Variants in SLC30A10 observed in about 807,000 individuals in gnomAD.
The protein encoded by SLC30A10 is calcium/manganese antiporter SLC30A10.
In SLC30A10, 8 loss-of-function variants were observed where a neutral mutation model predicts 21.7. That is an observed-to-expected ratio of 0.37 (90% CI 0.22 to 0.67). The LOEUF is 0.67. Ranked by LOEUF, SLC30A10 falls within the 30% of genes least tolerant of loss-of-function variation. SLC30A10 has a pLI of 0.58. For missense variants in SLC30A10, 521 were observed against 642.5 expected, an observed-to-expected ratio of 0.81 and a Z score of 2.04; for synonymous variants, 272 against 279.4, an observed-to-expected ratio of 0.97 and a Z score of 0.26.
upstream of SLC30A10, chr1:219,928,650 G>T: frequency 2.0e-6 from 1 of 498,100 alleles, no homozygotes; most frequent in East Asian, 3.6e-5. This position sits in a 1 kb window ranked among gnomAD's most constrained non-coding sequence, Gnocchi z 6.3. Context: ...GGCGGGGGCA[G>T]TATCTGAACA....
At chr1:219,922,028 A>G (rs1175669920) in intron 2 of SLC30A10, among the ~76,000 whole-genome samples, 1 of 151,136 alleles carries the variant, frequency 6.6e-6, no homozygotes, top group East Asian at 1.9e-4. Flanking sequence ...ATCATAGCTC[A>G]CTCCAACTTC....
upstream of SLC30A10, among the ~76,000 whole-genome samples, chr1:219,931,851 A>C (rs1182598107): frequency 6.6e-6 from 1 of 152,084 alleles, no homozygotes; most frequent in Admixed American, 6.6e-5. Flanking sequence ...ACTCTGCCCA[A>C]CCCTGTGCTG....
intron 2 of SLC30A10, among the ~76,000 whole-genome samples, chr1:219,922,980 A>G (rs1659732580): frequency 6.6e-6 from 1 of 152,206 alleles, no homozygotes; most frequent in African/African-American, 2.4e-5. Flanking sequence ...TTCTCACCTC[A>G]CTACAGATGT....
intron 1 of SLC30A10, among the ~76,000 whole-genome samples, chr1:219,938,066 T>C (rs187751029): frequency 2.6e-4 from 39 of 152,334 alleles, no homozygotes; most frequent in African/African-American, 8.2e-4. Context: ...TGCTGGTTCC[T>C]TTTTTAACTT....
intron 1 of SLC30A10, among the ~76,000 whole-genome samples, chr1:219,943,291 G>A (rs1225505417): frequency 6.6e-6 from 1 of 152,122 alleles, no homozygotes; most frequent in Non-Finnish European, 1.5e-5. Flanking sequence ...CTCAATAGAA[G>A]GTGCCCCTGC....
In SLC30A10 at chr1:219,915,550, C is replaced by T. The variant is rs751289770; in HGVS notation, c.1357G>A (p.Val453Met). Residue 453 changes from valine (V) to methionine (M), a missense_variant, in exon 4 of 4, where the codon GTG becomes ATG. Coordinates refer to ENST00000366926, the MANE Select transcript of SLC30A10 (RefSeq NM_018713.3). ...CTATCCAAAGACACTTCAATAGCCA[C>T]TTCTCTTGCGTCTCTTCTACTGAGG... Reference protein sequence around the residue: ...DGLSRRDAREVAIEVSLDSCL... With the variant: ...DGLSRRDAREMAIEVSLDSCL... 3 of 1,614,262 alleles carry T rather than the reference C, an allele frequency of 1.9e-6. No individual in the cohort carries two copies. The highest frequency in any genetic ancestry group is 1.3e-5 in the African/African-American group (1 of 75,072).
chr1:219,927,687 A>AAAAAAC (rs1659873284), intron 1 of SLC30A10, 114 bp downstream of exon 1: 5 of 634,474 alleles, frequency 7.9e-6, no homozygotes, highest in South Asian at 8.0e-5. Context: ...ACAAAAAAAA[A>AAAAAAC]AAAACAGAAA....
intron 2 of SLC30A10, among the ~76,000 whole-genome samples, chr1:219,920,886 T>C (rs1339725307): frequency 6.6e-6 from 1 of 152,214 alleles, no homozygotes; most frequent in Admixed American, 6.5e-5. Flanking sequence ...TAAAATGTTG[T>C]AAATGGCAAA....
chr1:219,935,101 G>GA (rs149222887), intron 1 of SLC30A10, among the ~76,000 whole-genome samples: 9,108 of 152,172 alleles, frequency 0.06, 907 homozygotes, highest in African/African-American at 0.21. Flanking sequence ...CAGTGAGGGG[G>GA]AAAAATCAGC....
At chr1:219,944,998 AAAC>A (rs1558260020) in intron 1 of SLC30A10, among the ~76,000 whole-genome samples, 2 of 152,224 alleles carry the variant, frequency 1.3e-5, no homozygotes, top group Admixed American at 6.5e-5. Flanking sequence ...CAGCAATAAA[AAAC>A]AACAACTGAT....
At chr1:219,938,807 G>A (rs1310517618) in intron 1 of SLC30A10, among the ~76,000 whole-genome samples, 2 of 152,180 alleles carry the variant, frequency 1.3e-5, no homozygotes, top group African/African-American at 4.8e-5. Context: ...AGTATCTACA[G>A]GCCAAAGTAA....
chr1:219,919,137 C>T (rs950813239), intron 2 of SLC30A10: 1 of 152,074 alleles, frequency 6.6e-6, no homozygotes, highest in Admixed American at 6.6e-5. Flanking sequence ...TTGTGGGTGC[C>T]TTTAATTAAG....
At chr1:219,943,549 A>G (rs1490995730) in intron 1 of SLC30A10, among the ~76,000 whole-genome samples, 1 of 152,228 alleles carries the variant, frequency 6.6e-6, no homozygotes, top group Non-Finnish European at 1.5e-5. Context: ...CCAGGATTCA[A>G]CAGAAAATCT....
chr1:219,918,667 C>A lies in SLC30A10; in HGVS notation c.719-173G>T. 2 of 705,718 alleles carry A rather than the reference C, an allele frequency of 2.8e-6. No homozygotes were observed. The highest frequency in any genetic ancestry group is 3.5e-5 in the Admixed American group (1 of 28,854). 43.7% of individuals were successfully genotyped at this position (705,718 alleles called of 1,614,324 possible). On this transcript the variant is annotated intron_variant, in intron 2 of 3. Transcript: ENST00000366926. The surrounding 1 kb of genome is among the most constrained non-coding windows in gnomAD (Gnocchi z 4.4). ...ATAATGGCAACTACTTCTTAGGAAACAAAACCCCAGGCCACCATCGCAGGA... is the reference window on the plus strand; with the variant it reads ...ATAATGGCAACTACTTCTTAGGAAAAAAAACCCCAGGCCACCATCGCAGGA...
intron 1 of SLC30A10, among the ~76,000 whole-genome samples, chr1:219,937,668 G>A (rs982047960): frequency 1.3e-5 from 2 of 152,218 alleles, no homozygotes; most frequent in African/African-American, 2.4e-5. Context: ...ACAAAAATTA[G>A]TCAGGCGTGC....
In SLC30A10 at chr1:219,953,663, A is replaced by AATTTTATTTTATTTTATTTT. The variant is rs372851865; in HGVS notation, n.80+4885_80+4904dup. Among the ~76,000 whole-genome samples the AATTTTATTTTATTTTATTTT allele has an allele frequency of 3.8e-3, 516 of 135,726 alleles. 6 individuals are homozygous for AATTTTATTTTATTTTATTTT. Among genetic ancestry groups the AATTTTATTTTATTTTATTTT allele is most frequent in the African/African-American group, 0.014 (500 of 35,882 alleles). The allele number at this position is 135,726 out of a possible 152,430, so 89.0% of individuals were successfully genotyped here. On this transcript the variant is annotated intron_variant and non_coding_transcript_variant, in intron 1 of 8. Coordinates refer to the SLC30A10 transcript ENST00000484239. ...CTACCTTCAATTATGCAGCTTCTCA[A>AATTTTATTTTATTTTATTTT]ATTTTATTTTATTTTATTTTATTTT... is the stretch of plus-strand genomic sequence containing the variant.
At chr1:219,925,912 C>T (rs1659814014) in intron 2 of SLC30A10, among the ~76,000 whole-genome samples, 1 of 151,728 alleles carries the variant, frequency 6.6e-6, no homozygotes, top group Non-Finnish European at 1.5e-5. Context: ...CTGCCCACCT[C>T]AGCCTCCCAA....
intron 1 of SLC30A10, among the ~76,000 whole-genome samples, chr1:219,944,725 G>A (rs1333926595): frequency 6.6e-6 from 1 of 152,098 alleles, no homozygotes; most frequent in Non-Finnish European, 1.5e-5. Flanking sequence ...TACTAACAAA[G>A]CTCTATAAAG....
intron 3 of SLC30A10, 62 bp from the exon 4 acceptor site, chr1:219,916,010 A>T: frequency 1.3e-6 from 2 of 1,557,174 alleles, no homozygotes; most frequent in Non-Finnish European, 1.7e-6. Flanking sequence ...ATGGAACTAC[A>T]GGAGGGATAT....
Sources: gnomAD v4.1 joint callset for allele counts (sites outside exome capture counted in the v4.1 genomes callset) on GRCh38, gnomAD v4.1.1 for gene constraint, Gnocchi (gnomAD v3.1) non-coding constraint, MANE v1.5 for transcripts, NCBI Gene and HGNC (gene_info 2026-07-23, HGNC 2026-07-21) for gene names.